Variants in LEKR1 observed in about 807,000 individuals in gnomAD.
The protein encoded by LEKR1 is leucine, glutamate and lysine rich 1, also known as protein LEKR1.
LEKR1 carries 59 observed loss-of-function variants against 72.4 expected under a neutral mutation model. The observed-to-expected ratio is 0.82, with a 90% CI of 0.66 to 1.01. LEKR1 has a LOEUF of 1.01. Ranked by LOEUF, LEKR1 falls within the 50% of genes least tolerant of loss-of-function variation. LEKR1 has a pLI of 0.00. For synonymous variants in LEKR1, 257 were observed against 263.2 expected (o/e 0.98, Z 0.23); for missense variants, 728 against 759.2 (o/e 0.96, Z 0.48).
chr3:156,983,114 A>G (rs1356693420), intron 7 of LEKR1, among the ~76,000 whole-genome samples: 1 of 152,150 alleles, frequency 6.6e-6, no homozygotes, highest in Non-Finnish European at 1.5e-5. Context: ...AGTAACTTCC[A>G]GGATAAAGAT....
At chr3:157,001,832 A>G (rs924524048) in intron 9 of LEKR1, among the ~76,000 whole-genome samples, 1 of 152,228 alleles carries the variant, frequency 6.6e-6, no homozygotes, top group Non-Finnish European at 1.5e-5. Flanking sequence ...TTGTATTAAC[A>G]TATTTCTAAG....
chr3:156,957,412 AT>A (rs944089158), intron 6 of LEKR1, among the ~76,000 whole-genome samples: 53 of 151,710 alleles, frequency 3.5e-4, no homozygotes, highest in Middle Eastern at 3.4e-3. Flanking sequence ...GAAAGGAGTA[AT>A]TTTTTTTCTC....
intron 4 of LEKR1, among the ~76,000 whole-genome samples, chr3:156,925,711 T>C (rs1724653204): frequency 6.6e-6 from 1 of 152,052 alleles, no homozygotes; most frequent in African/African-American, 2.4e-5. Flanking sequence ...AAAAATTCTC[T>C]TTCTACTCAG....
chr3:156,921,706 G>A (rs1724213692), intron 4 of LEKR1, among the ~76,000 whole-genome samples: 1 of 151,984 alleles, frequency 6.6e-6, no homozygotes, highest in Non-Finnish European at 1.5e-5. Context: ...TAATAGCTTT[G>A]GCCCATATCT....
At chr3:156,849,108 C>T (rs556215100) in intron 2 of LEKR1, among the ~76,000 whole-genome samples, 1 of 152,004 alleles carries the variant, frequency 6.6e-6, no homozygotes, top group Non-Finnish European at 1.5e-5. Flanking sequence ...TCTTATACAC[C>T]AATAACAGAC....
rs1305130693 is a variant in LEKR1, at chr3:156,903,464, T to C, written c.264-17111T>C. On this transcript the variant is annotated intron_variant, in intron 3 of 12. Transcript: ENST00000356539. The stretch of plus-strand genomic sequence containing the variant: ...AACCTCTTATAAGTTAATTTTAAGG[T>C]TGTTATATGATAGATCCTGGGCCAT... Among the ~76,000 whole-genome samples, 3 of 152,114 alleles carry C rather than the reference T, an allele frequency of 2.0e-5. No homozygotes were observed. In the East Asian group the frequency reaches 5.8e-4, roughly 29 times the overall value.
chr3:156,939,690 C>G (rs987164557), intron 5 of LEKR1, among the ~76,000 whole-genome samples: 1 of 151,984 alleles, frequency 6.6e-6, no homozygotes, highest in African/African-American at 2.4e-5. Context: ...AAATGAATAT[C>G]ACTTTATGTA....
At chr3:156,837,220 G>T (rs536945064) in intron 2 of LEKR1, among the ~76,000 whole-genome samples, 1 of 152,298 alleles carries the variant, frequency 6.6e-6, no homozygotes, top group South Asian at 2.1e-4. Flanking sequence ...TCGTCCCCAA[G>T]AATTCACTCT....
intron 3 of LEKR1, among the ~76,000 whole-genome samples, chr3:156,883,448 G>T (rs1719704245): frequency 6.6e-6 from 1 of 152,180 alleles, no homozygotes; most frequent in Admixed American, 6.5e-5. Flanking sequence ...AGGCGTGATT[G>T]GTTTTGAAGT....
At chr3:156,979,902 T>C (rs1170235690) in intron 7 of LEKR1, 2 of 152,196 alleles carry the variant, frequency 1.3e-5, no homozygotes, top group African/African-American at 4.8e-5. Context: ...TAGTCCCAGC[T>C]ACTCGGGAGG....
rs528331136 is a variant in LEKR1 at position 157,015,424 on chromosome 3, TA to T, written c.1203+3921del. Among the ~76,000 whole-genome samples, 259 of 152,314 alleles carry T rather than the reference TA, an allele frequency of 1.7e-3. 3 individuals are homozygous for T. Among genetic ancestry groups the T allele is most frequent in the East Asian group, 9.1e-3 (47 of 5,190 alleles). On this transcript the variant is annotated intron_variant, in intron 10 of 12. Transcript: ENST00000356539. ...TTTGCATTTCCATCAGCCAGACTGG[TA>T]AACCTGTAATTTATAAGGCCCTAGG...
chr3:157,040,989 AAAAAT>A (rs1263288275), intron 12 of LEKR1, among the ~76,000 whole-genome samples: 1 of 152,214 alleles, frequency 6.6e-6, no homozygotes, highest in Non-Finnish European at 1.5e-5. Context: ...AAACAAATAT[AAAAAT>A]AAACCACTCT....
intron 2 of LEKR1, among the ~76,000 whole-genome samples, chr3:156,846,799 A>G (rs1445532919): frequency 2.0e-5 from 3 of 152,096 alleles, no homozygotes; most frequent in East Asian, 3.9e-4. Context: ...GCACAATTAT[A>G]TGTATGTATG....
chr3:156,967,352 A>G (rs1024942788), intron 6 of LEKR1, among the ~76,000 whole-genome samples: 1 of 152,190 alleles, frequency 6.6e-6, no homozygotes, highest in African/African-American at 2.4e-5. Context: ...GTTCGAACCC[A>G]TGGCAAAGAA....
In LEKR1 at chr3:156,884,826, T is replaced by C. The variant is rs551781780; in HGVS notation, c.263+31844T>C. On this transcript the variant is annotated intron_variant, in intron 3 of 12. Transcript: ENST00000356539. ...CTTCTTATATTTGGATGTCTAGATC[T>C]CTAGCAAGGCTGTGGAAGTTTTCCT... is the stretch of plus-strand genomic sequence containing the variant. Among the ~76,000 whole-genome samples, 5 of 152,328 alleles carry C rather than the reference T, an allele frequency of 3.3e-5. No individual in the cohort carries two copies. The South Asian group carries it at 1.0e-3, about 32-fold the overall frequency.
At chr3:156,985,660 C>A (rs1325185899) in intron 7 of LEKR1, among the ~76,000 whole-genome samples, 1 of 151,824 alleles carries the variant, frequency 6.6e-6, no homozygotes, top group African/African-American at 2.4e-5. Flanking sequence ...ATGGTGAAAC[C>A]CTGTCTCTAT....
At chr3:156,906,049 AAATT>A (rs1012854497) in intron 3 of LEKR1, among the ~76,000 whole-genome samples, 2 of 152,170 alleles carry the variant, frequency 1.3e-5, no homozygotes, top group African/African-American at 2.4e-5. Context: ...GACTGCAAAT[AAATT>A]AATCTTTAGA....
chr3:156,945,527 G>C (rs1396363059), intron 6 of LEKR1, among the ~76,000 whole-genome samples: 1 of 151,710 alleles, frequency 6.6e-6, no homozygotes, highest in Non-Finnish European at 1.5e-5. Context: ...CTTTTGCCTA[G>C]TCCAATGTCC....
chr3:156,928,743 G>C (rs547442003), intron 5 of LEKR1, among the ~76,000 whole-genome samples: 1 of 152,118 alleles, frequency 6.6e-6, no homozygotes, highest in African/African-American at 2.4e-5. Flanking sequence ...GCTCAATGAA[G>C]ATGCTAAATA....
Sources: gnomAD v4.1 joint callset for allele counts (sites outside exome capture counted in the v4.1 genomes callset) on GRCh38, gnomAD v4.1.1 for gene constraint, MANE v1.5 for transcripts, NCBI Gene and HGNC (gene_info 2026-07-23, HGNC 2026-07-21) for gene names.